The following LRCH2 variants were observed in gnomAD, a reference collection of about 807,000 sequenced individuals.
LRCH2 encodes the protein leucine-rich repeat and calponin homology domain-containing protein 2.
In LRCH2, 38 loss-of-function variants were observed where a neutral mutation model predicts 68.9. The ratio of observed to expected loss-of-function variants is 0.55; its 90% CI spans 0.43 to 0.72. LRCH2 has a LOEUF of 0.72. Among genes scored for constraint, LRCH2 ranks in the 30% least tolerant of loss-of-function variants. The pLI, the probability that LRCH2 is intolerant of heterozygous loss-of-function variation, is 0.00. For synonymous variants in LRCH2, 191 were observed against 208.1 expected, an observed-to-expected ratio of 0.92 and a Z score of 0.71; for missense variants, 528 against 572.9, an observed-to-expected ratio of 0.92 and a Z score of 0.80.
In LRCH2 at chrX:115,152,837, T is replaced by TA. The variant is rs782088758; in HGVS notation, c.1530-2768dup. 1.8e-3 allele frequency among the ~76,000 whole-genome samples: 203 copies of TA among 110,615 alleles called. 6 individuals are homozygous for TA. The East Asian group carries it at 0.053, about 29-fold the overall frequency. On this transcript the variant is annotated intron_variant, in intron 12 of 20. Coordinates refer to ENST00000317135, the MANE Select transcript of LRCH2 (RefSeq NM_020871.4). ...CCATCAAATTACTTAAAACGAGTGA[T>TA]AAAAAATGTTACAGACACCCAGAGG...
intron 1 of LRCH2, among the ~76,000 whole-genome samples, chrX:115,203,640 G>A (rs1238887822): frequency 2.7e-5 from 3 of 112,608 alleles, no homozygotes; most frequent in Non-Finnish European, 5.6e-5. Context: ...ATACAATGGG[G>A]AAGTCATTAA....
intron 12 of LRCH2, among the ~76,000 whole-genome samples, chrX:115,155,154 AT>A (rs1556539346): frequency 9.1e-6 from 1 of 109,499 alleles, no homozygotes. Context: ...GTATATTTAG[AT>A]TTAGTAGGTA....
intron 1 of LRCH2, among the ~76,000 whole-genome samples, chrX:115,233,453 G>A (rs1400950683): frequency 1.8e-5 from 2 of 111,792 alleles, no homozygotes; most frequent in Non-Finnish European, 3.8e-5. Flanking sequence ...CTTTAACAAT[G>A]ATGCTCTTTC....
intron 14 of LRCH2, among the ~76,000 whole-genome samples, chrX:115,130,415 A>G: frequency 8.9e-6 from 1 of 112,064 alleles, no homozygotes; most frequent in East Asian, 2.8e-4. Context: ...CTTTATACAG[A>G]TCAAGTAACA....
intron 1 of LRCH2, among the ~76,000 whole-genome samples, chrX:115,211,424 A>C (rs1186731326): frequency 8.9e-6 from 1 of 111,795 alleles, no homozygotes; most frequent in Non-Finnish European, 1.9e-5. Context: ...AAGCCTCCCC[A>C]GCCACGTGGA....
intron 2 of LRCH2, among the ~76,000 whole-genome samples, chrX:115,187,559 G>T (rs1159866955): frequency 8.9e-6 from 1 of 111,836 alleles, no homozygotes; most frequent in Non-Finnish European, 1.9e-5. Flanking sequence ...TGGACAAATA[G>T]CTTAACCCAA....
At chrX:115,231,658 T>C (rs956138678) in intron 1 of LRCH2, among the ~76,000 whole-genome samples, 2 of 112,255 alleles carry the variant, frequency 1.8e-5, no homozygotes, top group Admixed American at 1.9e-4. Flanking sequence ...CTGCTTTGTG[T>C]TGAAGCTTGC....
intron 10 of LRCH2, 57 bp from the exon 11 acceptor site, chrX:115,163,840 C>T: frequency 1.2e-6 from 1 of 867,334 alleles, no homozygotes; most frequent in Non-Finnish European, 1.6e-6. Flanking sequence ...CATTTTATGC[C>T]AGCTTCCAGA....
At chrX:115,124,049 T>C (rs2072165631) in intron 16 of LRCH2, 47 bp from the exon 17 acceptor site, 1 of 756,204 alleles carries the variant, frequency 1.3e-6, no homozygotes, top group Non-Finnish European at 1.8e-6. Context: ...ATAAAACTTC[T>C]TTTCTTTCAA....
At chrX:115,131,137 T>G (rs902097530) in intron 14 of LRCH2, among the ~76,000 whole-genome samples, 13 of 111,008 alleles carry the variant, frequency 1.2e-4, no homozygotes, top group African/African-American at 4.3e-4. Context: ...ATATTTTAAG[T>G]TCTAGGGTAC....
intron 1 of LRCH2, among the ~76,000 whole-genome samples, chrX:115,230,317 T>C (rs895441844): frequency 9.0e-6 from 1 of 110,746 alleles, no homozygotes; most frequent in African/African-American, 3.3e-5. Context: ...GGAAGGGAGA[T>C]CTACTCAAAA....
chrX:115,232,008 A>G (rs184363117), intron 1 of LRCH2, among the ~76,000 whole-genome samples: 6 of 111,705 alleles, frequency 5.4e-5, no homozygotes, highest in African/African-American at 1.9e-4. Flanking sequence ...AGACGGAGAA[A>G]AGAGGGAAAT....
chrX:115,167,240 A>AAAAAAAAAC (rs2072570280), intron 6 of LRCH2, among the ~76,000 whole-genome samples: 1 of 105,855 alleles, frequency 9.4e-6, no homozygotes, highest in Non-Finnish European at 2.0e-5. Flanking sequence ...AACAAAAAAA[A>AAAAAAAAAC]ACTTTTTTTT....
intron 14 of LRCH2, among the ~76,000 whole-genome samples, chrX:115,135,329 C>T (rs2072281254): frequency 9.2e-6 from 1 of 108,471 alleles, no homozygotes; most frequent in Non-Finnish European, 1.9e-5. Context: ...GGGGTTTTGC[C>T]ATTGGCCCAA....
At chrX:115,218,308 G>T (rs1170380531) in intron 1 of LRCH2, among the ~76,000 whole-genome samples, 1 of 112,153 alleles carries the variant, frequency 8.9e-6, no homozygotes, top group Non-Finnish European at 1.9e-5. Flanking sequence ...CAGAATTGAT[G>T]ATGTTCAATT....
intron 1 of LRCH2, among the ~76,000 whole-genome samples, chrX:115,218,908 C>G (rs1469132212): frequency 4.5e-5 from 5 of 112,035 alleles, no homozygotes; most frequent in Non-Finnish European, 7.5e-5. Context: ...TTCAAAACAC[C>G]AAGAACCTGG....
At position 115,192,011 on chromosome X, in the gene LRCH2, G is replaced by A; in HGVS notation, c.350-3641C>T. The A allele has an allele frequency of 8.6e-7, 1 of 1,167,987 alleles. No homozygotes were observed. Among genetic ancestry groups the A allele is most frequent in the African/African-American group, 1.8e-5 (1 of 56,412 alleles). ...TACGACCGGAGCCACCGCTATGGAG[G>A]AGGAGGCCACTACGAAGAGTACCGA... On this transcript the variant is annotated intron_variant, in intron 1 of 20. Transcript: ENST00000317135.
intron 14 of LRCH2, among the ~76,000 whole-genome samples, chrX:115,133,903 A>C (rs1246882556): frequency 2.7e-5 from 3 of 112,072 alleles, no homozygotes; most frequent in Non-Finnish European, 5.6e-5. Context: ...AAAAGCTTGA[A>C]ATGATTAAGC....
chrX:115,122,098 C>T (rs782410267), intron 20 of LRCH2, among the ~76,000 whole-genome samples: 33 of 109,622 alleles, frequency 3.0e-4, no homozygotes, highest in African/African-American at 9.9e-4. Flanking sequence ...GGTATAATTT[C>T]CAATTTTGCA....
Sources: gnomAD v4.1 joint callset for allele counts (sites outside exome capture counted in the v4.1 genomes callset) on GRCh38, gnomAD v4.1.1 for gene constraint, MANE v1.5 for transcripts, NCBI Gene and HGNC (gene_info 2026-07-23, HGNC 2026-07-21) for gene names.